LRRC37A: variants seen among roughly 807,000 people sequenced by gnomAD.
LRRC37A encodes leucine-rich repeat-containing protein 37A.
A neutral mutation model predicts 35.4 loss-of-function variants in LRRC37A; 3 were observed. The ratio of observed to expected loss-of-function variants is 0.08; its 90% CI spans 0.04 to 0.22. The LOEUF is 0.22. LRRC37A is among the 10% of genes least tolerant of loss of function. LRRC37A has a pLI of 1.00. For missense variants in LRRC37A, 67 were observed against 565.3 expected, an observed-to-expected ratio of 0.12 and a Z score of 8.94; for synonymous variants, 23 against 215.0, an observed-to-expected ratio of 0.11 and a Z score of 7.81.
the LRRC37A span, chr17:46,267,301 C>G: frequency 1.5e-6 from 2 of 1,346,050 alleles, no homozygotes. Context: ...ACTGGGGTTC[C>G]CAAACTGTTT....
chr17:46,282,137 C>T, the LRRC37A span, among the ~76,000 whole-genome samples: 1 of 152,072 alleles, frequency 6.6e-6, no homozygotes, highest in Non-Finnish European at 1.5e-5. Context: ...GAGTCTCGCT[C>T]TGTCTCCCAG....
At chr17:46,253,986 G>T in the LRRC37A span, among the ~76,000 whole-genome samples, 1 of 152,242 alleles carries the variant, frequency 6.6e-6, no homozygotes, top group Admixed American at 6.5e-5. Context: ...AGTGGCCACA[G>T]ATCTTAGAGG....
At chr17:46,260,476 G>A in the LRRC37A span, 5 of 1,589,240 alleles carry the variant, frequency 3.1e-6, no homozygotes, top group South Asian at 5.6e-5. Context: ...TGCCCACCCA[G>A]CCTGGGGGTG....
At chr17:46,265,622 C>T in the LRRC37A span, among the ~76,000 whole-genome samples, 14 of 151,132 alleles carry the variant, frequency 9.3e-5, no homozygotes, top group Non-Finnish European at 1.6e-4. Context: ...GGGACCAAGG[C>T]GTGAGCTACC....
At chr17:46,278,329 T>C in the LRRC37A span, among the ~76,000 whole-genome samples, 1 of 152,226 alleles carries the variant, frequency 6.6e-6, no homozygotes, top group Non-Finnish European at 1.5e-5. Flanking sequence ...CAAGCTCACT[T>C]AACCATTTTC....
At chr17:46,291,904 T>C (rs2143468382), upstream of LRRC37A, among the ~76,000 whole-genome samples, 1 of 146,184 alleles carries the variant, frequency 6.8e-6, no homozygotes, top group South Asian at 2.1e-4. Context: ...GAGGCTGCGA[T>C]GGGGTGTGAT....
chr17:46,290,385 T>A (rs1235441172), upstream of LRRC37A, among the ~76,000 whole-genome samples: 1 of 152,058 alleles, frequency 6.6e-6, no homozygotes, highest in East Asian at 1.9e-4. Context: ...CTCAGCCTTT[T>A]AGAATGCTGG....
At chr17:46,256,631 C>T in the LRRC37A span, among the ~76,000 whole-genome samples, 16 of 152,266 alleles carry the variant, frequency 1.1e-4, no homozygotes, top group South Asian at 2.3e-3. Context: ...AAACCATCAC[C>T]GAACTAGCCT....
chr17:46,279,889 T>C, the LRRC37A span, among the ~76,000 whole-genome samples: 260 of 152,322 alleles, frequency 1.7e-3, no homozygotes, highest in Non-Finnish European at 3.2e-3. Context: ...CATAGCCTTA[T>C]GTTTTTCTGT....
At chr17:46,270,272 C>T in the LRRC37A span, among the ~76,000 whole-genome samples, 21,685 of 151,690 alleles carry the variant, frequency 0.14, 1,899 homozygotes, top group Non-Finnish European at 0.22. Flanking sequence ...ACATCCAGGA[C>T]GGGACGCTAG....
rs574415419 is a variant in LRRC37A at position 46,325,592 on chromosome 17, G to C, written c.3053+2565G>C. 3.2e-4 allele frequency among the ~76,000 whole-genome samples: 26 copies of C among 81,786 alleles called. 8 individuals carry two copies. The highest frequency in any genetic ancestry group is 1.6e-3 in the Admixed American group (13 of 7,956). 53.7% of individuals were successfully genotyped at this position (81,786 alleles called of 152,430 possible). ...AATGTCTGATGTTTGATTGGATTCT[G>C]AATTTTTTAAGCCATGTTATGATTA... On this transcript the variant is annotated intron_variant, in intron 7 of 13. Coordinates refer to ENST00000320254, the Ensembl canonical transcript of LRRC37A.
the LRRC37A span, among the ~76,000 whole-genome samples, chr17:46,273,607 G>C: frequency 8.8e-4 from 134 of 152,300 alleles, no homozygotes; most frequent in South Asian, 4.6e-3. Flanking sequence ...ATAGGACAAA[G>C]CTAATATGAG....
chr17:46,288,290 C>T (rs2049971876), upstream of LRRC37A, among the ~76,000 whole-genome samples: 2 of 150,718 alleles, frequency 1.3e-5, no homozygotes, highest in South Asian at 4.2e-4. Flanking sequence ...TACAGATGTG[C>T]ACCACCAGGC....
At chr17:46,263,356 G>C in the LRRC37A span, among the ~76,000 whole-genome samples, 2 of 152,108 alleles carry the variant, frequency 1.3e-5, no homozygotes, top group African/African-American at 4.8e-5. Context: ...TTTGAGACCA[G>C]TCTGCCCAAC....
At chr17:46,270,373 G>A in the LRRC37A span, among the ~76,000 whole-genome samples, 3 of 152,348 alleles carry the variant, frequency 2.0e-5, no homozygotes, top group South Asian at 6.2e-4. Context: ...GTAATAAAGA[G>A]TTGAGAGGTT....
upstream of LRRC37A, among the ~76,000 whole-genome samples, chr17:46,288,565 T>C (rs1379750109): frequency 2.6e-5 from 4 of 152,084 alleles, no homozygotes; most frequent in Non-Finnish European, 5.9e-5. Flanking sequence ...CCCAAAGTCC[T>C]GAGATTACAG....
At chr17:46,248,340 A>G in the LRRC37A span, among the ~76,000 whole-genome samples, 31 of 152,212 alleles carry the variant, frequency 2.0e-4, no homozygotes, top group African/African-American at 7.5e-4. Context: ...CACATTCCCA[A>G]TATAAAGCAT....
At chr17:46,267,486 G>T in the LRRC37A span, 1 of 1,612,774 alleles carries the variant, frequency 6.2e-7, no homozygotes, top group Non-Finnish European at 8.5e-7. Context: ...GACTCCTCCA[G>T]CTGCAATAAA....
At chr17:46,253,385 G>A in the LRRC37A span, among the ~76,000 whole-genome samples, 12 of 152,168 alleles carry the variant, frequency 7.9e-5, no homozygotes, top group African/African-American at 2.9e-4. Flanking sequence ...CACTTTGGGA[G>A]GCCAAGGCAG....
Sources: gnomAD v4.1 joint callset for allele counts (sites outside exome capture counted in the v4.1 genomes callset) on GRCh38, gnomAD v4.1.1 for gene constraint, MANE v1.5 for transcripts, NCBI Gene and HGNC (gene_info 2026-07-23, HGNC 2026-07-21) for gene names.